CLVS1: variants seen among roughly 807,000 people sequenced by gnomAD.
CLVS1 encodes the protein clavesin-1.
In CLVS1, 10 loss-of-function variants were observed where a neutral mutation model predicts 33.1. That is an observed-to-expected ratio of 0.30 (90% CI 0.19 to 0.51). The LOEUF (loss-of-function observed/expected upper bound fraction) is 0.51. Ranked by LOEUF, CLVS1 falls within the 20% of genes least tolerant of loss-of-function variation. The pLI is 0.97. For missense variants in CLVS1, 343 were observed against 433.4 expected (o/e 0.79, Z 1.85); for synonymous variants, 163 against 166.1 (o/e 0.98, Z 0.14).
intron 3 of CLVS1, among the ~76,000 whole-genome samples, chr8:61,398,718 C>G (rs1024464323): frequency 6.6e-6 from 1 of 152,044 alleles, no homozygotes; most frequent in Non-Finnish European, 1.5e-5. Context: ...ACTAACCCTC[C>G]GACAGGCCCC....
At chr8:61,348,949 T>G (rs548146251) in intron 2 of CLVS1, among the ~76,000 whole-genome samples, 1 of 152,328 alleles carries the variant, frequency 6.6e-6, no homozygotes, top group South Asian at 2.1e-4. Context: ...ATTGTGGTTT[T>G]AATTTTTATT....
the CLVS1 span, among the ~76,000 whole-genome samples, chr8:60,995,725 C>T: frequency 8.9e-3 from 1,356 of 152,218 alleles, 26 homozygotes; most frequent in African/African-American, 0.031. Flanking sequence ...ATGTTTATTG[C>T]GGCATTATTC....
chr8:61,432,408 G>T (rs1354598087), intron 3 of CLVS1, among the ~76,000 whole-genome samples: 1 of 152,180 alleles, frequency 6.6e-6, no homozygotes, highest in East Asian at 1.9e-4. Context: ...GGTAATTAAG[G>T]TAAAACGAAG....
At chr8:61,320,762 C>T (rs930737102) in intron 2 of CLVS1, among the ~76,000 whole-genome samples, 8 of 152,126 alleles carry the variant, frequency 5.3e-5, no homozygotes, top group African/African-American at 1.9e-4. Context: ...CCCTCATGAG[C>T]TAATCTTTTT....
chr8:61,237,253 T>C (rs977225266), intron 2 of CLVS1, among the ~76,000 whole-genome samples: 11 of 151,768 alleles, frequency 7.2e-5, no homozygotes, highest in Non-Finnish European at 1.2e-4. Context: ...TTCAAGAAGG[T>C]TGTTGGTAGT....
intron 2 of CLVS1, among the ~76,000 whole-genome samples, chr8:61,360,134 A>G (rs553164381): frequency 3.3e-5 from 5 of 152,312 alleles, no homozygotes; most frequent in Non-Finnish European, 7.3e-5. Context: ...AGGAAAAAAC[A>G]CTTAAGAGAC....
chr8:61,292,527 C>G (rs1402845255), intron 1 of CLVS1: 1 of 378,942 alleles, frequency 2.6e-6, no homozygotes, highest in East Asian at 7.3e-5. Context: ...GAGAAATACT[C>G]TTTCCCTTTG....
At chr8:61,408,751 A>T (rs1815096001) in intron 3 of CLVS1, among the ~76,000 whole-genome samples, 1 of 152,196 alleles carries the variant, frequency 6.6e-6, no homozygotes, top group African/African-American at 2.4e-5. Flanking sequence ...GAGACACATT[A>T]CCTTTTACCT....
At chr8:61,322,564 G>A (rs941841276) in intron 2 of CLVS1, among the ~76,000 whole-genome samples, 7 of 152,102 alleles carry the variant, frequency 4.6e-5, no homozygotes, top group African/African-American at 1.4e-4. Flanking sequence ...CAAAATTCTA[G>A]CAGCTCACCC....
chr8:61,212,737 A>C (rs1429910338), intron 2 of CLVS1, among the ~76,000 whole-genome samples: 1 of 152,192 alleles, frequency 6.6e-6, no homozygotes, highest in Non-Finnish European at 1.5e-5. Context: ...GTTCTAGGGA[A>C]GACAGAAGAT....
the CLVS1 span, among the ~76,000 whole-genome samples, chr8:61,028,011 A>C: frequency 3.5e-4 from 53 of 152,332 alleles, no homozygotes; most frequent in African/African-American, 1.1e-3. Context: ...TTCCTATCTG[A>C]ATGGTCCTTG....
chr8:61,250,493 TA>T (rs1808916238), intron 2 of CLVS1, among the ~76,000 whole-genome samples: 1 of 152,204 alleles, frequency 6.6e-6, no homozygotes, highest in Admixed American at 6.5e-5. Context: ...CATTGAATCA[TA>T]AATTACTCTG....
intron 2 of CLVS1, among the ~76,000 whole-genome samples, chr8:61,175,027 G>A (rs1017215323): frequency 1.4e-5 from 2 of 146,664 alleles, no homozygotes; most frequent in African/African-American, 2.5e-5. Flanking sequence ...TGGCTTGCAA[G>A]TCCTAGGATG....
In CLVS1 at chr8:61,198,443, G is replaced by A. The variant is rs533603386; in HGVS notation, c.-152+66583G>A. ...CACCCAGGCTGGATTGCAGTGGCAC[G>A]ATCTTGGTTCACTGCAACCTCTACA... On this transcript the variant is annotated intron_variant, in intron 2 of 2. Coordinates refer to the CLVS1 transcript ENST00000522621. 1.5e-4 allele frequency among the ~76,000 whole-genome samples: 23 copies of A among 152,182 alleles called. No homozygotes were observed. In the South Asian group the frequency reaches 3.1e-3, roughly 21 times the overall value.
intron 2 of CLVS1, among the ~76,000 whole-genome samples, chr8:61,171,728 T>A (rs1359775541): frequency 6.6e-6 from 1 of 152,230 alleles, no homozygotes; most frequent in Non-Finnish European, 1.5e-5. Context: ...TTAAGAGCTA[T>A]ACATCTTTAA....
chr8:61,142,031 T>G (rs945344799), intron 2 of CLVS1, among the ~76,000 whole-genome samples: 2 of 152,352 alleles, frequency 1.3e-5, no homozygotes, highest in East Asian at 3.9e-4. Context: ...TGCACAGGCC[T>G]CACCTCTGGA....
intron 2 of CLVS1, among the ~76,000 whole-genome samples, chr8:61,273,244 C>T (rs1013246651): frequency 6.6e-6 from 1 of 151,808 alleles, no homozygotes; most frequent in Admixed American, 6.6e-5. Flanking sequence ...GTTGGAATAC[C>T]CTGCCGTGTG....
chr8:61,048,932 C>T, the CLVS1 span, among the ~76,000 whole-genome samples: 18 of 152,220 alleles, frequency 1.2e-4, no homozygotes, highest in African/African-American at 4.1e-4. Context: ...GGTCCTCTGT[C>T]CTGGAGAGTA....
intron 3 of CLVS1, among the ~76,000 whole-genome samples, chr8:61,444,760 G>A (rs149969829): frequency 2.6e-5 from 4 of 152,326 alleles, no homozygotes; most frequent in Non-Finnish European, 1.5e-5. Flanking sequence ...AATGGGTAAG[G>A]CTGGGAATGA....
Sources: gnomAD v4.1 joint callset for allele counts (sites outside exome capture counted in the v4.1 genomes callset) on GRCh38, gnomAD v4.1.1 for gene constraint, MANE v1.5 for transcripts, NCBI Gene and HGNC (gene_info 2026-07-23, HGNC 2026-07-21) for gene names.